The following NEDD4L variants were observed in gnomAD, a reference collection of about 807,000 sequenced individuals.
The protein encoded by NEDD4L is E3 ubiquitin-protein ligase NEDD4-like.
Under a neutral mutation model 148.9 loss-of-function variants are expected in NEDD4L, and 54 were observed. The observed-to-expected ratio is 0.36, with a 90% CI of 0.29 to 0.45. The LOEUF (loss-of-function observed/expected upper bound fraction) is 0.45, where lower values mean the gene tolerates loss of function less well. Among genes scored for constraint, NEDD4L ranks in the 20% least tolerant of loss-of-function variants. The pLI is 1.00. For missense variants in NEDD4L, 856 were observed against 1,233.8 expected (o/e 0.69, Z 4.59); for synonymous variants, 433 against 440.7 (o/e 0.98, Z 0.22).
chr18:58,289,477 A>G (rs2054399587), intron 5 of NEDD4L, among the ~76,000 whole-genome samples: 1 of 152,202 alleles, frequency 6.6e-6, no homozygotes, highest in South Asian at 2.1e-4. Context: ...TAATACGTTT[A>G]CTACAAGAAT....
At chr18:58,186,893 G>C (rs1266880033) in intron 2 of NEDD4L, among the ~76,000 whole-genome samples, 2 of 152,322 alleles carry the variant, frequency 1.3e-5, no homozygotes, top group East Asian at 3.9e-4. Context: ...GCCAGAGCTG[G>C]GAGCCACTGG....
intron 1 of NEDD4L, among the ~76,000 whole-genome samples, chr18:58,153,277 A>G (rs1423818392): frequency 6.6e-6 from 1 of 152,076 alleles, no homozygotes; most frequent in Non-Finnish European, 1.5e-5. Context: ...GTGGAAGGAT[A>G]CAAAATGTGA....
intron 2 of NEDD4L, among the ~76,000 whole-genome samples, chr18:58,243,852 T>C (rs751444207): frequency 3.3e-5 from 5 of 151,752 alleles, no homozygotes; most frequent in Non-Finnish European, 7.4e-5. Context: ...AAATAAAAAA[T>C]ATTTACTCAT....
chr18:58,351,139 T>C, intron 18 of NEDD4L, 94 bp downstream of exon 18: 4 of 1,538,008 alleles, frequency 2.6e-6, no homozygotes, highest in Non-Finnish European at 3.5e-6. Flanking sequence ...TTTTACTCTT[T>C]ATCTAGGCAG....
chr18:58,161,834 G>A (rs943359531), intron 1 of NEDD4L, among the ~76,000 whole-genome samples: 13 of 152,138 alleles, frequency 8.5e-5, no homozygotes, highest in African/African-American at 3.1e-4. Context: ...GAGTGGGAGG[G>A]GCTTATGGGG....
At chr18:58,158,845 G>A (rs1599207014) in intron 1 of NEDD4L, among the ~76,000 whole-genome samples, 1 of 152,098 alleles carries the variant, frequency 6.6e-6, no homozygotes, top group Non-Finnish European at 1.5e-5. Flanking sequence ...CACATCTTAC[G>A]CCTCTGTTCC....
chr18:58,397,464 C>G lies in NEDD4L; in HGVS notation c.*1195C>G, dbSNP rs960429847. ...AATCTGGCTGCTGGTGTATAAAAACCTGGATGTAAAGCTGAGCCTACAGAC... is the reference window on the plus strand; with the variant it reads ...AATCTGGCTGCTGGTGTATAAAAACGTGGATGTAAAGCTGAGCCTACAGAC... On this transcript the variant is annotated 3_prime_UTR_variant, in exon 31 of 31. Transcript: ENST00000400345. 1.3e-5 allele frequency: 2 copies of G among 152,204 alleles called. No individual in the cohort carries two copies. The highest frequency in any genetic ancestry group is 2.9e-5 in the Non-Finnish European group (2 of 68,034). 9.4% of individuals were successfully genotyped at this position (152,204 alleles called of 1,614,324 possible).
chr18:58,243,277 T>C (rs1223278827), intron 2 of NEDD4L, among the ~76,000 whole-genome samples: 1 of 152,234 alleles, frequency 6.6e-6, no homozygotes, highest in African/African-American at 2.4e-5. Flanking sequence ...ACGTGTGTTC[T>C]GCATGCATCT....
At chr18:58,149,558 A>G in intron 1 of NEDD4L, 2 of 1,546,492 alleles carry the variant, frequency 1.3e-6, no homozygotes, top group Non-Finnish European at 1.8e-6. Context: ...GCATTTGAGC[A>G]GGTAACACTC....
At chr18:58,295,894 G>A (rs529383069) in intron 5 of NEDD4L, among the ~76,000 whole-genome samples, 7 of 152,014 alleles carry the variant, frequency 4.6e-5, no homozygotes, top group South Asian at 2.1e-4. Flanking sequence ...GGTTAGGGGC[G>A]ACAGTTGTTT....
intron 24 of NEDD4L, among the ~76,000 whole-genome samples, chr18:58,375,334 A>G (rs914612296): frequency 1.3e-5 from 2 of 151,782 alleles, no homozygotes; most frequent in African/African-American, 4.8e-5. Context: ...CCTGTTCTCC[A>G]GTGCCCTGTT....
At chr18:58,104,930 C>A (rs974666753) in intron 1 of NEDD4L, among the ~76,000 whole-genome samples, 1 of 146,538 alleles carries the variant, frequency 6.8e-6, no homozygotes, top group Non-Finnish European at 1.5e-5. Context: ...TTCTGAGATG[C>A]GTCTTCTACA....
At chr18:58,048,275 T>C (rs970655812) in intron 1 of NEDD4L, among the ~76,000 whole-genome samples, 1 of 152,218 alleles carries the variant, frequency 6.6e-6, no homozygotes, top group Admixed American at 6.5e-5. Context: ...CATTTACATA[T>C]AATTATCTAC....
chr18:58,387,416 G>A, intron 26 of NEDD4L, 23 bp from the exon 27 acceptor site: 1 of 1,509,604 alleles, frequency 6.6e-7, no homozygotes, highest in Non-Finnish European at 8.8e-7. Flanking sequence ...AGGTGTTTAA[G>A]ATGTTTTTTT....
chr18:58,255,712 C>G, intron 5 of NEDD4L: 2 of 1,232,484 alleles, frequency 1.6e-6, no homozygotes, highest in Non-Finnish European at 2.0e-6. Context: ...ACATCCTAGA[C>G]CAGGAGAGAG....
chr18:58,202,435 C>A (rs1290256717), intron 2 of NEDD4L, among the ~76,000 whole-genome samples: 1 of 152,244 alleles, frequency 6.6e-6, no homozygotes, highest in African/African-American at 2.4e-5. Context: ...TCAGGCCCTG[C>A]CCCAGAGGGG....
chr18:58,287,365 A>G (rs1600724249), intron 5 of NEDD4L, among the ~76,000 whole-genome samples: 1 of 152,192 alleles, frequency 6.6e-6, no homozygotes, highest in Non-Finnish European at 1.5e-5. Flanking sequence ...AGATACATCC[A>G]CAAGAAGAAA....
At position 58,208,549 on chromosome 18, in the gene NEDD4L, T is replaced by G. The variant is rs78255067; in HGVS notation, c.123-36878T>G. Among the ~76,000 whole-genome samples the G allele has an allele frequency of 7.7e-4, 27 of 35,008 alleles. 1 individual carries two copies. In the Admixed American group the frequency reaches 7.9e-3, roughly 10 times the overall value. The allele number at this position is 35,008 out of a possible 152,430, so 23.0% of individuals were successfully genotyped here. On this transcript the variant is annotated intron_variant, in intron 2 of 30. Transcript: ENST00000400345. ...CAGGTTGAGACCTTTTAAGTCATCC[T>G]TAATTCCCTGTAGGGAGGATTAAGA... is the stretch of plus-strand genomic sequence containing the variant.
intron 1 of NEDD4L, among the ~76,000 whole-genome samples, chr18:58,165,076 A>G (rs1169222472): frequency 6.6e-6 from 1 of 152,214 alleles, no homozygotes; most frequent in African/African-American, 2.4e-5. Flanking sequence ...CTAAGCTGTC[A>G]TAGGGTCCTG....
Sources: gnomAD v4.1 joint callset for allele counts (sites outside exome capture counted in the v4.1 genomes callset) on GRCh38, gnomAD v4.1.1 for gene constraint, MANE v1.5 for transcripts, NCBI Gene and HGNC (gene_info 2026-07-23, HGNC 2026-07-21) for gene names.